ZNF250: variants seen among roughly 807,000 people sequenced by gnomAD.
ZNF250 encodes zinc finger protein 250.
In ZNF250, 13 loss-of-function variants were observed where a neutral mutation model predicts 37.1. That is an observed-to-expected ratio of 0.35 (90% CI 0.23 to 0.56). The LOEUF is 0.56. Among genes scored for constraint, ZNF250 ranks in the 20% least tolerant of loss-of-function variants. The pLI is 0.87. For missense variants in ZNF250, 474 were observed against 697.9 expected (o/e 0.68, Z 3.61); for synonymous variants, 251 against 265.6 (o/e 0.94, Z 0.54).
rs748332916 is a variant in ZNF250 at position 144,882,881 on chromosome 8, C to A, written c.347-45G>T. ...ATGAAAATGTTAACACTACTCAAAA[C>A]TGAAGAGCTAGTGCAACCCTGAAAC... On this transcript the variant is annotated intron_variant, in intron 5 of 5. Coordinates refer to ENST00000417550, the MANE Select transcript of ZNF250 (RefSeq NM_001109689.4). The surrounding 1 kb of genome is among the most constrained non-coding windows in gnomAD (Gnocchi z 5.5). The A allele has an allele frequency of 8.3e-6, 13 of 1,560,162 alleles. No individual in the cohort carries two copies. The East Asian group carries it at 2.5e-4, about 30-fold the overall frequency.
chr8:144,896,754 G>T (rs1478740766), intron 1 of ZNF250, among the ~76,000 whole-genome samples: 9 of 152,120 alleles, frequency 5.9e-5, no homozygotes, highest in Admixed American at 5.9e-4. Flanking sequence ...AGGGCCAGGG[G>T]CTGGGACAGG....
Position 144,890,292 on chromosome 8 carries a change from A to G in ZNF250, c.42+16T>C, listed in dbSNP as rs1382446958. 3 of 1,536,318 alleles carry G rather than the reference A, an allele frequency of 2.0e-6. No individual in the cohort carries two copies. The highest frequency in any genetic ancestry group is 2.6e-6 in the Non-Finnish European group (3 of 1,137,502). On this transcript the variant is annotated intron_variant, in intron 2 of 5. Coordinates refer to ENST00000417550, the MANE Select transcript of ZNF250 (RefSeq NM_001109689.4). The surrounding 1 kb of genome is among the most constrained non-coding windows in gnomAD (Gnocchi z 5.1). Reference sequence around the variant, plus strand: ...CTCGGGCTGGGGGCACTGCATAAGCACTGGGGACAGCTTACCTGGGGTCCT... The same window carrying G: ...CTCGGGCTGGGGGCACTGCATAAGCGCTGGGGACAGCTTACCTGGGGTCCT...
At position 144,880,004 on chromosome 8, in the gene ZNF250, T is replaced by G. The variant is rs1037874005; in HGVS notation, c.*1511A>C. The G allele has an allele frequency of 1.3e-5, 2 of 152,580 alleles. No homozygotes were observed. The highest frequency in any genetic ancestry group is 4.9e-5 in the African/African-American group (2 of 41,124). 9.5% of individuals were successfully genotyped at this position (152,580 alleles called of 1,614,324 possible). A position where few individuals can be genotyped will look rare whatever the true frequency, so the allele number is the denominator to read the frequency against. The stretch of plus-strand genomic sequence containing the variant: ...TTGCTTGAACCTGGGAGGTGGAGAT[T>G]GCAGTGAGCTGAGATTGTGCCATTG... On this transcript the variant is annotated 3_prime_UTR_variant, in exon 6 of 6. Coordinates refer to ENST00000417550, the MANE Select transcript of ZNF250 (RefSeq NM_001109689.4).
chr8:144,889,639 G>C lies in ZNF250; in HGVS notation c.225C>G (p.Pro75=). The change falls in exon 4 of 6, where the codon CCC becomes CCG. Residue 75 remains proline (P), a synonymous_variant. Transcript: ENST00000417550. ...IISQLERGED[P]WVLDRKGAKK... is the part of the protein sequence containing the mutation. ...TAGCCCCCTTCCTGTCCAGGACCCA[G>C]GGATCTTCCCCTCGCTCCAGCTGGG... 1 of 1,614,000 alleles carries C rather than the reference G, an allele frequency of 6.2e-7. No individual in the cohort carries two copies.
chr8:144,894,923 G>A (rs974902608), intron 1 of ZNF250, among the ~76,000 whole-genome samples: 8 of 151,992 alleles, frequency 5.3e-5, no homozygotes, highest in South Asian at 2.1e-4. Context: ...CTTGGCCTCC[G>A]AAAGTGTCAA....
intron 5 of ZNF250, among the ~76,000 whole-genome samples, chr8:144,883,342 CT>C (rs538221806): frequency 0.041 from 5,719 of 140,742 alleles, 121 homozygotes; most frequent in Admixed American, 0.09. Context: ...AAAATAATTT[CT>C]TTTTTTTTTT....
rs2129789426 is a variant in ZNF250 at position 144,889,913 on chromosome 8, G to T, written c.169+20C>A. On this transcript the variant is annotated intron_variant, in intron 3 of 5. Transcript: ENST00000417550. ...GTCCAATACGCAGATACATAGACGAGGCCTGCTAAGGTGGCTTACCCAATG... is the reference window on the plus strand; with the variant it reads ...GTCCAATACGCAGATACATAGACGATGCCTGCTAAGGTGGCTTACCCAATG... The T allele has an allele frequency of 6.3e-7, 1 of 1,585,272 alleles. No homozygotes were observed. The highest frequency in any genetic ancestry group is 8.6e-7 in the Non-Finnish European group (1 of 1,163,216).
rs1238719439 is a variant in ZNF250, at chr8:144,881,399, C to A, written c.*116G>T. On this transcript the variant is annotated 3_prime_UTR_variant, in exon 6 of 6. Coordinates refer to ENST00000417550, the MANE Select transcript of ZNF250 (RefSeq NM_001109689.4). ...TTCTTTCTGGAGTTATTTTGTGACA[C>A]TGAATCGCCAAAGAAAAGCTTCCTA... The A allele has an allele frequency of 6.4e-6, 9 of 1,416,236 alleles. No individual in the cohort carries two copies. The South Asian group carries it at 1.1e-4, about 17-fold the overall frequency. 87.7% of individuals were successfully genotyped at this position (1,416,236 alleles called of 1,614,324 possible).
chr8:144,890,449 T>C lies in ZNF250; in HGVS notation c.-54-46A>G. The C allele has an allele frequency of 8.0e-7, 1 of 1,242,540 alleles. No individual in the cohort carries two copies. The highest frequency in any genetic ancestry group is 2.6e-5 in the East Asian group (1 of 38,258). The allele number at this position is 1,242,540 out of a possible 1,614,324, so 77.0% of individuals were successfully genotyped here. On this transcript the variant is annotated intron_variant, in intron 1 of 5. Transcript: ENST00000417550. This position sits in a 1 kb window ranked among gnomAD's most constrained non-coding sequence, Gnocchi z 5.1. ...AGTGAGGGGCATGGCCTTGAGACCG[T>C]AACTTCCTAGGGGGCCCTCAGGGGA...
chr8:144,877,216 A>G lies in ZNF250; in HGVS notation c.*4299T>C, dbSNP rs1211771011. The G allele has an allele frequency of 1.3e-5, 2 of 152,070 alleles. No homozygotes were observed. The highest frequency in any genetic ancestry group is 4.8e-5 in the African/African-American group (2 of 41,378). 9.4% of individuals were successfully genotyped at this position (152,070 alleles called of 1,614,324 possible). A position where few individuals can be genotyped will look rare whatever the true frequency, so the allele number is the denominator to read the frequency against. On this transcript the variant is annotated 3_prime_UTR_variant, in exon 6 of 6. Transcript: ENST00000417550. ...ATCCTCCCACCTTAGCCTCCCACGT[A>G]TCTGGGACTACAGGCGCAAGCCACA...
Position 144,890,938 on chromosome 8 carries a change from A to T in ZNF250, c.-54-535T>A, listed in dbSNP as rs1832290116. ...AATGTGGCACCAGGTTCAACCAGGT[A>T]TTTGAAGGGGAGGCATGGAAGTGGT... On this transcript the variant is annotated intron_variant, in intron 1 of 5. Transcript: ENST00000417550. This position sits in a 1 kb window ranked among gnomAD's most constrained non-coding sequence, Gnocchi z 5.1. 6.6e-6 allele frequency among the ~76,000 whole-genome samples: 1 copy of T among 152,162 alleles called. No individual in the cohort carries two copies. The highest frequency in any genetic ancestry group is 2.4e-5 in the African/African-American group (1 of 41,444).
intron 1 of ZNF250, among the ~76,000 whole-genome samples, chr8:144,894,414 A>G (rs1199953754): frequency 4.0e-5 from 6 of 151,588 alleles, no homozygotes; most frequent in Admixed American, 3.9e-4. Context: ...AAACTTTGTG[A>G]TTTTCCTCAG....
chr8:144,890,322 G>A lies in ZNF250; in HGVS notation c.28C>T (p.Pro10Ser). Reference sequence around the variant, plus strand: ...GGACAGCTTACCTGGGGTCCTGCCGGCACTGGCAGGAGTCTGGCTGCTGCC... The same window carrying A: ...GGACAGCTTACCTGGGGTCCTGCCGACACTGGCAGGAGTCTGGCTGCTGCC... MAAARLLPV[P>S]AGPQAKLTFE... The change falls in exon 2 of 6, where the codon CCG (proline) becomes TCG (serine). Residue 10 changes from proline to serine, a missense_variant. Physicochemically the swap from Pro to Ser is moderately conservative, Grantham distance 74. Transcript: ENST00000417550. The surrounding 1 kb of genome is among the most constrained non-coding windows in gnomAD (Gnocchi z 5.1). 6.6e-7 allele frequency: 1 copy of A among 1,513,146 alleles called. No homozygotes were observed. The highest frequency in any genetic ancestry group is 1.8e-4 in the Middle Eastern group (1 of 5,534). The allele number at this position is 1,513,146 out of a possible 1,614,324, so 93.7% of individuals were successfully genotyped here. A position where few individuals can be genotyped will look rare whatever the true frequency, so the allele number is the denominator to read the frequency against.
At chr8:144,885,365 T>C (rs753783596) in intron 5 of ZNF250, among the ~76,000 whole-genome samples, 6 of 152,132 alleles carry the variant, frequency 3.9e-5, no homozygotes, top group Non-Finnish European at 5.9e-5. Flanking sequence ...AGGTGGTCCA[T>C]CTGCCTCGGC....
Position 144,878,779 on chromosome 8 carries a change from C to T in ZNF250, c.*2736G>A, listed in dbSNP as rs1338655681. 6.6e-6 allele frequency: 1 copy of T among 152,226 alleles called. No individual in the cohort carries two copies. The highest frequency in any genetic ancestry group is 6.5e-5 in the Admixed American group (1 of 15,288). 9.4% of individuals were successfully genotyped at this position (152,226 alleles called of 1,614,324 possible). On this transcript the variant is annotated 3_prime_UTR_variant, in exon 6 of 6. Transcript: ENST00000417550. ...AAACACCTCTGTGATCTCAGCTTCT[C>T]TGAAGAATTACCTCAATGATCTAAT...
At chr8:144,886,934 C>T in intron 4 of ZNF250, 32 bp from the exon 5 acceptor site, 1 of 1,598,108 alleles carries the variant, frequency 6.3e-7, no homozygotes, top group Non-Finnish European at 8.6e-7. Flanking sequence ...GAAGTGACAA[C>T]AAAATACTCC....
intron 1 of ZNF250, chr8:144,895,352 G>A (rs1056480777): frequency 1.3e-5 from 2 of 152,174 alleles, no homozygotes; most frequent in Non-Finnish European, 2.9e-5. Context: ...AGCCCATGAA[G>A]GGTATGTGTG....
rs1225816054 is a variant in ZNF250 at position 144,878,738 on chromosome 8, T to G, written c.*2777A>C. The G allele has an allele frequency of 6.6e-6, 1 of 152,136 alleles. No individual in the cohort carries two copies. Among genetic ancestry groups the G allele is most frequent in the South Asian group, 2.1e-4 (1 of 4,824 alleles). 9.4% of individuals were successfully genotyped at this position (152,136 alleles called of 1,614,324 possible). On this transcript the variant is annotated 3_prime_UTR_variant, in exon 6 of 6. Coordinates refer to ENST00000417550, the MANE Select transcript of ZNF250 (RefSeq NM_001109689.4). ...TCTTCTAGAGTTTCACATTAGTGAT[T>G]TCAACTTCTCTGAAGAAACACCTCT...
chr8:144,881,596 G>A lies in ZNF250; in HGVS notation c.1587C>T (p.Pro529=), dbSNP rs1244737476. The change falls in exon 6 of 6, where the codon CCC becomes CCT. Residue 529 remains proline, a synonymous_variant. Transcript: ENST00000417550. The part of the protein sequence containing the change: ...QHQRIHTGEK[P]YECGECGRAF... ...CACGCCCACACTCCCCGCACTCATA[G>A]GGCTTCTCGCCTGTGTGGATCCGCT... 2 of 1,614,006 alleles carry A rather than the reference G, an allele frequency of 1.2e-6. No homozygotes were observed. The highest frequency in any genetic ancestry group is 1.3e-5 in the African/African-American group (1 of 75,062).
Sources: gnomAD v4.1 joint callset for allele counts (sites outside exome capture counted in the v4.1 genomes callset) on GRCh38, gnomAD v4.1.1 for gene constraint, Gnocchi (gnomAD v3.1) non-coding constraint, MANE v1.5 for transcripts, NCBI Gene and HGNC (gene_info 2026-07-23, HGNC 2026-07-21) for gene names.